Variants in TLL2 observed in about 807,000 individuals in gnomAD.
TLL2 encodes the protein tolloid-like protein 2.
In TLL2, 106 loss-of-function variants were observed where a neutral mutation model predicts 123.0. The ratio of observed to expected loss-of-function variants is 0.86; its 90% confidence interval spans 0.74 to 1.01. The LOEUF is 1.01. Ranked by LOEUF, TLL2 falls within the 50% of genes least tolerant of loss-of-function variation. TLL2 has a pLI of 0.00. For missense variants in TLL2, 1,332 were observed against 1,336.7 expected, an observed-to-expected ratio of 1.00 and a Z score of 0.06; for synonymous variants, 494 against 516.8, an observed-to-expected ratio of 0.96 and a Z score of 0.60.
intron 2 of TLL2, among the ~76,000 whole-genome samples, chr10:96,459,536 G>A (rs1389965118): frequency 2.7e-5 from 4 of 149,896 alleles, no homozygotes; most frequent in Non-Finnish European, 4.4e-5. Context: ...AAAATCAGCC[G>A]GCACCCCTGT....
At chr10:96,476,248 T>TGTTG (rs1554939656) in intron 2 of TLL2, among the ~76,000 whole-genome samples, 17 of 69,190 alleles carry the variant, frequency 2.5e-4, no homozygotes, top group African/African-American at 3.1e-4. Flanking sequence ...ATATTTTATT[T>TGTTG]TTGTTGTTGT....
chr10:96,367,849 T>TG lies in TLL2; in HGVS notation c.*238_*239insC, dbSNP rs1348920153. ...GACTTCAATCCTAATCTTTAACACTTTAACAGTTCATGAATGATAACATTG... is the reference window on the plus strand; with the variant it reads ...GACTTCAATCCTAATCTTTAACACTTGTAACAGTTCATGAATGATAACATTG... On this transcript the variant is annotated 3_prime_UTR_variant, in exon 21 of 21. Transcript: ENST00000357947. The TG allele has an allele frequency of 1.7e-5, 8 of 481,288 alleles. No individual in the cohort carries two copies. Among genetic ancestry groups the TG allele is most frequent in the Non-Finnish European group, 2.6e-5 (7 of 268,486 alleles). 29.8% of individuals were successfully genotyped at this position (481,288 alleles called of 1,614,324 possible). A position where few individuals can be genotyped will look rare whatever the true frequency, so the allele number is the denominator to read the frequency against.
chr10:96,443,743 C>T, intron 3 of TLL2, among the ~76,000 whole-genome samples: 1 of 152,196 alleles, frequency 6.6e-6, no homozygotes. Flanking sequence ...TCCATTTTTA[C>T]CACTAAGTGC....
At chr10:96,463,187 C>T (rs1256593421) in intron 2 of TLL2, among the ~76,000 whole-genome samples, 2 of 152,168 alleles carry the variant, frequency 1.3e-5, no homozygotes, top group Non-Finnish European at 2.9e-5. Flanking sequence ...CCCAAGGACC[C>T]CCATGTGGTT....
At chr10:96,429,690 G>A (rs944033657) in intron 4 of TLL2, among the ~76,000 whole-genome samples, 2 of 152,184 alleles carry the variant, frequency 1.3e-5, no homozygotes, top group Non-Finnish European at 2.9e-5. Context: ...TAGACCTGTA[G>A]GGGGGTGCTC....
chr10:96,513,880 C>A lies in TLL2; in HGVS notation c.-195G>T, dbSNP rs529254298. 5.2e-6 allele frequency: 3 copies of A among 571,932 alleles called. No individual in the cohort carries two copies. Among genetic ancestry groups the A allele is most frequent in the Non-Finnish European group, 8.5e-6 (3 of 351,716 alleles). 35.4% of individuals were successfully genotyped at this position (571,932 alleles called of 1,614,324 possible). The stretch of plus-strand genomic sequence containing the variant: ...CGTCGAGGCAACCGGGAAGCAGCCG[C>A]TCGGAGCTACTTGCCCGGCGGCCGA... On this transcript the variant is annotated 5_prime_UTR_variant, in exon 1 of 21. Coordinates refer to ENST00000357947, the MANE Select transcript of TLL2 (RefSeq NM_012465.4).
At chr10:96,478,542 G>T (rs990281716) in intron 2 of TLL2, among the ~76,000 whole-genome samples, 1 of 152,230 alleles carries the variant, frequency 6.6e-6, no homozygotes, top group African/African-American at 2.4e-5. Flanking sequence ...AAGAATGACT[G>T]CAGCAGCTTT....
chr10:96,443,816 A>G (rs745504449), intron 3 of TLL2, among the ~76,000 whole-genome samples: 6 of 152,246 alleles, frequency 3.9e-5, no homozygotes, highest in Non-Finnish European at 5.9e-5. Flanking sequence ...CCAAAAACTT[A>G]TAAGTCAAAA....
chr10:96,442,880 C>T (rs1243818377), intron 3 of TLL2, among the ~76,000 whole-genome samples: 23 of 152,164 alleles, frequency 1.5e-4, no homozygotes, highest in Admixed American at 1.5e-3. Context: ...GGTGGAAGAG[C>T]TACATTCCTT....
chr10:96,471,508 C>T (rs74151349), intron 2 of TLL2, among the ~76,000 whole-genome samples: 3,989 of 152,060 alleles, frequency 0.026, 161 homozygotes, highest in African/African-American at 0.082. Flanking sequence ...AGTTGGGGGT[C>T]GCATAGAGAA....
At chr10:96,406,095 C>G (rs1349635435) in intron 9 of TLL2, among the ~76,000 whole-genome samples, 1 of 152,086 alleles carries the variant, frequency 6.6e-6, no homozygotes, top group Non-Finnish European at 1.5e-5. Context: ...CTCCCATGGC[C>G]AAATAGGTGA....
chr10:96,464,041 C>G (rs2134095873), intron 2 of TLL2, among the ~76,000 whole-genome samples: 1 of 152,240 alleles, frequency 6.6e-6, no homozygotes, highest in East Asian at 1.9e-4. Flanking sequence ...GAGCCGAGAG[C>G]CTGCTGAATG....
intron 1 of TLL2, among the ~76,000 whole-genome samples, chr10:96,494,401 T>A (rs1589436327): frequency 6.6e-6 from 1 of 152,212 alleles, no homozygotes; most frequent in Non-Finnish European, 1.5e-5. Context: ...GGCAGCCCCC[T>A]GACCTTCCTG....
At chr10:96,445,749 C>T (rs72811113) in intron 3 of TLL2, among the ~76,000 whole-genome samples, 3,524 of 152,284 alleles carry the variant, frequency 0.023, 50 homozygotes, top group Non-Finnish European at 0.033. Flanking sequence ...TGCCGCCCTT[C>T]CATCCCTTTC....
chr10:96,383,865 T>TAGTG (rs1417645274), intron 16 of TLL2, among the ~76,000 whole-genome samples: 1 of 149,994 alleles, frequency 6.7e-6, no homozygotes, highest in African/African-American at 2.5e-5. Context: ...ACTCCTGACC[T>TAGTG]AGTGATCTGC....
chr10:96,381,673 C>A (rs750326415), intron 16 of TLL2, among the ~76,000 whole-genome samples: 1 of 152,178 alleles, frequency 6.6e-6, no homozygotes, highest in Non-Finnish European at 1.5e-5. Flanking sequence ...CACCAGCCCA[C>A]CCCACAGTGC....
intron 18 of TLL2, chr10:96,374,514 CG>C: frequency 6.6e-6 from 1 of 152,428 alleles, no homozygotes; most frequent in East Asian, 1.9e-4. Flanking sequence ...TGACTCTCGC[CG>C]AGTGTTTATT....
At chr10:96,386,558 G>A (rs1191714075) in intron 14 of TLL2, among the ~76,000 whole-genome samples, 2 of 152,202 alleles carry the variant, frequency 1.3e-5, no homozygotes, top group East Asian at 3.8e-4. Flanking sequence ...ATGAACAAGC[G>A]GATTCATGCA....
chr10:96,443,280 C>T (rs571024645), intron 3 of TLL2, among the ~76,000 whole-genome samples: 22 of 152,280 alleles, frequency 1.4e-4, no homozygotes, highest in African/African-American at 5.1e-4. Flanking sequence ...GTTAACAGAA[C>T]GTAGCAGAAG....
Sources: gnomAD v4.1 joint callset for allele counts (sites outside exome capture counted in the v4.1 genomes callset) on GRCh38, gnomAD v4.1.1 for gene constraint, MANE v1.5 for transcripts, NCBI Gene and HGNC (gene_info 2026-07-23, HGNC 2026-07-21) for gene names.